ZFAND3: variants seen among roughly 807,000 people sequenced by gnomAD.
ZFAND3 encodes the protein zinc finger AN1-type containing 3, also known as AN1-type zinc finger protein 3.
In ZFAND3, 10 loss-of-function variants were observed where a neutral mutation model predicts 29.6. The observed-to-expected ratio is 0.34, with a 90% CI of 0.21 to 0.57. The LOEUF is 0.57. Ranked by LOEUF, ZFAND3 falls within the 20% of genes least tolerant of loss-of-function variation. ZFAND3 has a pLI of 0.86. For missense variants in ZFAND3, 230 were observed against 304.5 expected, an observed-to-expected ratio of 0.76 and a Z score of 1.82; for synonymous variants, 128 against 112.6, an observed-to-expected ratio of 1.14 and a Z score of -0.87.
intron 2 of ZFAND3, among the ~76,000 whole-genome samples, chr6:37,995,533 G>A (rs1298864411): frequency 6.6e-6 from 1 of 151,534 alleles, no homozygotes; most frequent in African/African-American, 2.4e-5. Flanking sequence ...TCTTCACCAT[G>A]TTGTTGGAAA....
intron 4 of ZFAND3, among the ~76,000 whole-genome samples, chr6:38,094,575 G>A (rs550301119): frequency 6.6e-6 from 1 of 152,202 alleles, no homozygotes; most frequent in African/African-American, 2.4e-5. Flanking sequence ...CCTCCTTTTT[G>A]AGATGTCAAC....
At chr6:38,070,855 T>C (rs767673855) in intron 3 of ZFAND3, among the ~76,000 whole-genome samples, 3 of 152,070 alleles carry the variant, frequency 2.0e-5, no homozygotes, top group Non-Finnish European at 2.9e-5. Context: ...GTTTTTTCTT[T>C]GTTTCTTCTT....
In ZFAND3 at chr6:38,153,207, G is replaced by C. The variant is rs1198446492; in HGVS notation, c.*818G>C. 1 of 985,390 alleles carries C rather than the reference G, an allele frequency of 1.0e-6. No individual in the cohort carries two copies. The highest frequency in any genetic ancestry group is 1.7e-5 in the African/African-American group (1 of 57,258). The allele number at this position is 985,390 out of a possible 1,614,324, so 61.0% of individuals were successfully genotyped here. ...CACGGACCAGATGTGGCGAATGGCAGCACAGCGCGGTGGCTGGGTCTGCAC... is the reference window on the plus strand; with the variant it reads ...CACGGACCAGATGTGGCGAATGGCACCACAGCGCGGTGGCTGGGTCTGCAC... On this transcript the variant is annotated 3_prime_UTR_variant, in exon 6 of 6. Transcript: ENST00000287218.
chr6:37,955,845 T>C (rs913662816), intron 2 of ZFAND3, among the ~76,000 whole-genome samples: 23 of 152,174 alleles, frequency 1.5e-4, no homozygotes, highest in Admixed American at 2.6e-4. Flanking sequence ...TACATTGGGA[T>C]AAAAGAATCC....
At chr6:38,003,866 T>C in intron 2 of ZFAND3, 1 of 436,458 alleles carries the variant, frequency 2.3e-6, no homozygotes, top group Non-Finnish European at 4.6e-6. Context: ...AGGGAACCCC[T>C]CAATCACTGC....
In ZFAND3 at chr6:37,837,671, A is replaced by C. The variant is rs891620504; in HGVS notation, c.71+17655A>C. 2.6e-5 allele frequency among the ~76,000 whole-genome samples: 4 copies of C among 152,060 alleles called. No individual in the cohort carries two copies. The South Asian group carries it at 6.2e-4, about 24-fold the overall frequency. ...AGGCATGCGCCACCACACCCGGCTA[A>C]CTTTTTTGTATTTTTAATAGAGACA... On this transcript the variant is annotated intron_variant, in intron 1 of 5. Transcript: ENST00000287218.
At position 38,061,570 on chromosome 6, in the gene ZFAND3, G is replaced by A. The variant is rs571653690; in HGVS notation, c.113-23G>A. The A allele has an allele frequency of 1.9e-6, 3 of 1,613,396 alleles. No individual in the cohort carries two copies. In the Admixed American group the frequency reaches 5.0e-5, roughly 27 times the overall value. ...CAGAGACTGTGAACTCCTTAATTAA[G>A]CTCGTTTTCTATTTTTCTTCAGATT... is the stretch of plus-strand genomic sequence containing the variant. On this transcript the variant is annotated intron_variant, in intron 2 of 5. Coordinates refer to ENST00000287218, the MANE Select transcript of ZFAND3 (RefSeq NM_021943.3).
At chr6:38,125,846 C>T (rs1387448883) in intron 5 of ZFAND3, among the ~76,000 whole-genome samples, 3 of 152,114 alleles carry the variant, frequency 2.0e-5, no homozygotes, top group Non-Finnish European at 2.9e-5. Context: ...AAATAATTTA[C>T]GTACCATAAA....
intron 5 of ZFAND3, chr6:38,143,260 T>C (rs545994589): frequency 6.6e-6 from 1 of 152,334 alleles, no homozygotes; most frequent in South Asian, 2.1e-4. Flanking sequence ...ATAAAGGACA[T>C]CAACAGTGGT....
intron 2 of ZFAND3, among the ~76,000 whole-genome samples, chr6:37,996,215 C>G (rs1487453234): frequency 6.6e-6 from 1 of 151,898 alleles, no homozygotes; most frequent in African/African-American, 2.4e-5. Context: ...TATAATTTTC[C>G]AACACCAGAC....
intron 2 of ZFAND3, among the ~76,000 whole-genome samples, chr6:38,004,534 TACACACACACAC>T (rs56068930): frequency 6.8e-6 from 1 of 147,450 alleles, no homozygotes; most frequent in East Asian, 2.0e-4. Flanking sequence ...TAAAGCTGTC[TACACACACACAC>T]ACACACACAC....
chr6:38,084,208 A>G (rs1307863032), intron 4 of ZFAND3, among the ~76,000 whole-genome samples: 1 of 152,190 alleles, frequency 6.6e-6, no homozygotes, highest in Non-Finnish European at 1.5e-5. Context: ...AGACTGTTGA[A>G]TGAAATATGG....
chr6:38,152,409 C>A lies in ZFAND3; in HGVS notation c.*20C>A. 6.4e-7 allele frequency: 1 copy of A among 1,553,524 alleles called. No homozygotes were observed. Among genetic ancestry groups the A allele is most frequent in the South Asian group, 1.2e-5 (1 of 80,786 alleles). On this transcript the variant is annotated 3_prime_UTR_variant, in exon 6 of 6. Coordinates refer to ENST00000287218, the MANE Select transcript of ZFAND3 (RefSeq NM_021943.3). The stretch of plus-strand genomic sequence containing the variant: ...TCCTGAAGGCCAGGCATGGCCACCA[C>A]GTGACGCTGTTCTTAGTTCACTAAT...
At chr6:38,029,442 A>G (rs2127450752) in intron 2 of ZFAND3, among the ~76,000 whole-genome samples, 1 of 152,328 alleles carries the variant, frequency 6.6e-6, no homozygotes, top group South Asian at 2.1e-4. Flanking sequence ...AAAGTTGGGT[A>G]ATGAAATGTC....
intron 2 of ZFAND3, among the ~76,000 whole-genome samples, chr6:38,044,402 G>C (rs1459974222): frequency 6.6e-6 from 1 of 151,772 alleles, no homozygotes; most frequent in Non-Finnish European, 1.5e-5. Flanking sequence ...AGATTGGCAG[G>C]GTAACGTTTT....
chr6:37,900,748 T>C (rs1209508002), intron 1 of ZFAND3, among the ~76,000 whole-genome samples: 5 of 152,210 alleles, frequency 3.3e-5, no homozygotes, highest in Non-Finnish European at 5.9e-5. Context: ...GGAGCTTTTA[T>C]GGAGTTGCAG....
At chr6:38,026,118 A>G (rs1023257990) in intron 2 of ZFAND3, among the ~76,000 whole-genome samples, 1 of 152,226 alleles carries the variant, frequency 6.6e-6, no homozygotes, top group African/African-American at 2.4e-5. Context: ...CAAATTCTTT[A>G]TCAGATCCAT....
At chr6:38,105,089 G>A (rs546205007) in intron 4 of ZFAND3, among the ~76,000 whole-genome samples, 3 of 152,324 alleles carry the variant, frequency 2.0e-5, no homozygotes, top group Non-Finnish European at 2.9e-5. Flanking sequence ...TAGCCTTGTT[G>A]TAACACCAAA....
rs201753068 is a variant in ZFAND3 at position 37,999,865 on chromosome 6, G to A, written c.113-61728G>A. Among the ~76,000 whole-genome samples the A allele has an allele frequency of 3.9e-5, 6 of 152,172 alleles. No individual in the cohort carries two copies. The East Asian group carries it at 5.8e-4, about 15-fold the overall frequency. On this transcript the variant is annotated intron_variant, in intron 2 of 5. Transcript: ENST00000287218. ...GTTAATAGGGTGTCAATATTGGCTC[G>A]TTAATTGTAACAAATATACCATACT...
Sources: allele counts gnomAD v4.1 joint callset (sites outside exome capture counted in the v4.1 genomes callset), GRCh38; gene constraint gnomAD v4.1.1; transcripts MANE v1.5; gene names NCBI Gene and HGNC (gene_info 2026-07-23, HGNC 2026-07-21).